The following PTPRD variants were observed in gnomAD, a reference collection of about 807,000 sequenced individuals.
The protein encoded by PTPRD is receptor-type tyrosine-protein phosphatase delta.
A neutral mutation model predicts 214.5 loss-of-function variants in PTPRD; 34 were observed. That is an observed-to-expected ratio of 0.16 (90% CI 0.12 to 0.21). The LOEUF (loss-of-function observed/expected upper bound fraction) is 0.21. PTPRD is among the 10% of genes least tolerant of loss of function. The pLI is 1.00. For missense variants in PTPRD, 2,545 were observed against 2,398.7 expected, an observed-to-expected ratio of 1.06 and a Z score of -1.27; for synonymous variants, 1,128 against 845.7, an observed-to-expected ratio of 1.33 and a Z score of -5.79.
chr9:9,377,336 G>T (rs958248157), intron 9 of PTPRD, among the ~76,000 whole-genome samples: 1 of 152,050 alleles, frequency 6.6e-6, no homozygotes, highest in African/African-American at 2.4e-5. Context: ...GGTATAGAAT[G>T]CCACAAATAA....
In PTPRD at chr9:9,129,413, T is replaced by C. The variant is rs372581860; in HGVS notation, c.-143+53891A>G. Among the ~76,000 whole-genome samples, 157 of 152,100 alleles carry C rather than the reference T, an allele frequency of 1.0e-3. 1 individual carries two copies. Among genetic ancestry groups the C allele is most frequent in the African/African-American group, 3.7e-3 (154 of 41,496 alleles). ...TAAATAAATAAATAAATAAGAGAAT[T>C]AAATATTCGATTCGTGTAACTCAGC... is the stretch of plus-strand genomic sequence containing the variant. On this transcript the variant is annotated intron_variant, in intron 10 of 45. Transcript: ENST00000381196.
chr9:8,880,762 C>A (rs2098439080), intron 11 of PTPRD, among the ~76,000 whole-genome samples: 1 of 152,008 alleles, frequency 6.6e-6, no homozygotes, highest in Non-Finnish European at 1.5e-5. Context: ...GTTTCATTTG[C>A]CTATAATATT....
Position 9,924,538 on chromosome 9 carries a change from C to T in PTPRD, c.-368+13969G>A, listed in dbSNP as rs79260130. ...AAAGTCATTTCAACAATACAGCACA[C>T]TGATGACACTTTCCTTGCCCGAAAC... is the stretch of plus-strand genomic sequence containing the variant. On this transcript the variant is annotated intron_variant, in intron 5 of 45. Transcript: ENST00000381196. Among the ~76,000 whole-genome samples the T allele has an allele frequency of 1.8e-3, 280 of 152,158 alleles. 1 individual carries two copies. Among genetic ancestry groups the T allele is most frequent in the African/African-American group, 6.3e-3 (263 of 41,550 alleles).
At chr9:8,457,810 C>A (rs1355281603) in intron 33 of PTPRD, among the ~76,000 whole-genome samples, 3 of 151,984 alleles carry the variant, frequency 2.0e-5, no homozygotes, top group African/African-American at 7.2e-5. Context: ...AATAATAATA[C>A]TTTCAATTCT....
intron 8 of PTPRD, among the ~76,000 whole-genome samples, chr9:9,418,735 T>C (rs1320499369): frequency 6.6e-6 from 1 of 151,942 alleles, no homozygotes; most frequent in Admixed American, 6.6e-5. Context: ...CAAATATGGA[T>C]TAGACATAGT....
chr9:9,471,853 T>G (rs2094610031), intron 8 of PTPRD, among the ~76,000 whole-genome samples: 2 of 152,280 alleles, frequency 1.3e-5, no homozygotes, highest in Admixed American at 1.3e-4. Context: ...TTTTATACAT[T>G]TAAATGGTCA....
chr9:10,282,813 C>T (rs1183648806), intron 3 of PTPRD, among the ~76,000 whole-genome samples: 1 of 152,058 alleles, frequency 6.6e-6, no homozygotes, highest in East Asian at 1.9e-4. Flanking sequence ...AAGTTAAGAT[C>T]AGAAGTAGCA....
intron 3 of PTPRD, among the ~76,000 whole-genome samples, chr9:10,210,819 A>ATATATATATATATATG (rs1554858769): frequency 4.3e-5 from 3 of 70,150 alleles, no homozygotes; most frequent in African/African-American, 2.4e-4. Flanking sequence ...ATATATATAT[A>ATATATATATATATATG]TATGTATGTA....
chr9:9,904,390 C>G (rs1450218654), intron 5 of PTPRD, among the ~76,000 whole-genome samples: 2 of 147,222 alleles, frequency 1.4e-5, no homozygotes, highest in South Asian at 2.2e-4. Flanking sequence ...AAAGGACTAC[C>G]TCTTCTACAG....
intron 11 of PTPRD, among the ~76,000 whole-genome samples, chr9:8,935,914 G>T (rs1359469716): frequency 3.9e-5 from 6 of 151,946 alleles, no homozygotes; most frequent in Non-Finnish European, 7.4e-5. Flanking sequence ...TCCAAATATT[G>T]CTGGAAGTCC....
intron 11 of PTPRD, among the ~76,000 whole-genome samples, chr9:8,818,600 A>G (rs773680930): frequency 2.6e-5 from 4 of 152,220 alleles, no homozygotes; most frequent in East Asian, 1.9e-4. Context: ...CAAAAGCCAC[A>G]TAGTCAAAAA....
intron 14 of PTPRD, among the ~76,000 whole-genome samples, chr9:8,605,576 C>G (rs2095158218): frequency 6.6e-6 from 1 of 152,154 alleles, no homozygotes; most frequent in African/African-American, 2.4e-5. Flanking sequence ...AGTCTTTAGG[C>G]AAGTTACTAA....
intron 11 of PTPRD, among the ~76,000 whole-genome samples, chr9:8,929,322 G>C (rs1008089914): frequency 2.6e-5 from 4 of 152,090 alleles, no homozygotes; most frequent in African/African-American, 4.8e-5. Context: ...ATTGGCTGTG[G>C]GTTTGTCATG....
intron 10 of PTPRD, among the ~76,000 whole-genome samples, chr9:9,049,666 G>A (rs144183067): frequency 1.3e-5 from 2 of 152,048 alleles, no homozygotes; most frequent in African/African-American, 2.4e-5. Context: ...TAGAGGTTGT[G>A]GGGTTTTAGG....
At chr9:8,702,427 A>G (rs2098110043) in intron 12 of PTPRD, among the ~76,000 whole-genome samples, 1 of 152,214 alleles carries the variant, frequency 6.6e-6, no homozygotes, top group Admixed American at 6.5e-5. Context: ...ACATTTACTG[A>G]TTACCTACTA....
At chr9:9,361,351 C>T (rs1047065544) in intron 9 of PTPRD, among the ~76,000 whole-genome samples, 1 of 150,964 alleles carries the variant, frequency 6.6e-6, no homozygotes, top group Non-Finnish European at 1.5e-5. Flanking sequence ...TCAATAATTC[C>T]TTATCATAAT....
chr9:8,670,234 A>T (rs1437425179), intron 12 of PTPRD, among the ~76,000 whole-genome samples: 1 of 152,154 alleles, frequency 6.6e-6, no homozygotes, highest in Non-Finnish European at 1.5e-5. Flanking sequence ...ATTATGTGGT[A>T]CATTAGATAT....
At chr9:10,035,080 A>C (rs1567220703) in intron 3 of PTPRD, among the ~76,000 whole-genome samples, 1 of 152,154 alleles carries the variant, frequency 6.6e-6, no homozygotes, top group Non-Finnish European at 1.5e-5. Context: ...ACAGTGTATA[A>C]GCATTCCTTT....
chr9:9,136,349 T>A (rs75619187), intron 10 of PTPRD, among the ~76,000 whole-genome samples: 5,933 of 152,222 alleles, frequency 0.039, 253 homozygotes, highest in African/African-American at 0.094. Flanking sequence ...ATAAAACATT[T>A]TTCTCTTTAT....
Sources: gnomAD v4.1 joint callset for allele counts (sites outside exome capture counted in the v4.1 genomes callset) on GRCh38, gnomAD v4.1.1 for gene constraint, MANE v1.5 for transcripts, NCBI Gene and HGNC (gene_info 2026-07-23, HGNC 2026-07-21) for gene names.